Variants in KCNIP1 observed in about 807,000 individuals in gnomAD.
The protein encoded by KCNIP1 is A-type potassium channel modulatory protein KCNIP1.
A neutral mutation model predicts 33.0 loss-of-function variants in KCNIP1; 18 were observed. The ratio of observed to expected loss-of-function variants is 0.55; its 90% CI spans 0.38 to 0.81. The LOEUF (loss-of-function observed/expected upper bound fraction) is 0.81. Among genes scored for constraint, KCNIP1 ranks in the 30% least tolerant of loss-of-function variants. The pLI, the probability that KCNIP1 is intolerant of heterozygous loss-of-function variation, is 0.00. For synonymous variants in KCNIP1, 93 were observed against 98.3 expected, an observed-to-expected ratio of 0.95 and a Z score of 0.32; for missense variants, 238 against 271.6, an observed-to-expected ratio of 0.88 and a Z score of 0.87.
chr5:170,385,564 T>A, intron 1 of KCNIP1: 5 of 1,127,728 alleles, frequency 4.4e-6, no homozygotes, highest in Non-Finnish European at 5.2e-6. Flanking sequence ...GGTACTCAAC[T>A]ATTAATATCA....
chr5:170,432,061 ATCT>A (rs1423773535), intron 1 of KCNIP1, among the ~76,000 whole-genome samples: 3 of 146,242 alleles, frequency 2.1e-5, no homozygotes, highest in Admixed American at 6.8e-5. Flanking sequence ...ACATTGAGCC[ATCT>A]TCTTACAGCT....
intron 1 of KCNIP1, among the ~76,000 whole-genome samples, chr5:170,467,462 G>A (rs1756632041): frequency 1.3e-5 from 2 of 152,102 alleles, no homozygotes; most frequent in African/African-American, 4.8e-5. Context: ...TGGGGAGGAG[G>A]AACAGCTTCT....
chr5:170,561,398 G>T (rs571625288), intron 1 of KCNIP1, among the ~76,000 whole-genome samples: 1 of 152,172 alleles, frequency 6.6e-6, no homozygotes, highest in Non-Finnish European at 1.5e-5. Flanking sequence ...CACTCCGGAG[G>T]GGGAGGACTC....
chr5:170,524,420 C>A (rs1264166727), intron 1 of KCNIP1, among the ~76,000 whole-genome samples: 2 of 152,176 alleles, frequency 1.3e-5, no homozygotes, highest in Non-Finnish European at 2.9e-5. Context: ...GTGTGGGTTT[C>A]AATCTTAGCT....
At chr5:170,459,590 C>T (rs1561635910) in intron 1 of KCNIP1, among the ~76,000 whole-genome samples, 2 of 152,102 alleles carry the variant, frequency 1.3e-5, no homozygotes, top group African/African-American at 2.4e-5. Flanking sequence ...TCCTGAATAT[C>T]ACTGGGTCAA....
chr5:170,508,312 G>A (rs1344512507), intron 1 of KCNIP1, among the ~76,000 whole-genome samples: 3 of 152,180 alleles, frequency 2.0e-5, no homozygotes, highest in South Asian at 2.1e-4. Context: ...AAGGCCACAC[G>A]GTGAGTTAAT....
chr5:170,424,452 C>CGA (rs1467609047), intron 1 of KCNIP1, among the ~76,000 whole-genome samples: 1 of 152,148 alleles, frequency 6.6e-6, no homozygotes, highest in Non-Finnish European at 1.5e-5. Context: ...CAAGGCTGCC[C>CGA]GAGAACAAAG....
At chr5:170,449,835 A>AGAG (rs1756203979) in intron 1 of KCNIP1, among the ~76,000 whole-genome samples, 1 of 152,060 alleles carries the variant, frequency 6.6e-6, no homozygotes, top group Non-Finnish European at 1.5e-5. Context: ...AACTAGAAGC[A>AGAG]GTCATATAGG....
At chr5:170,402,361 G>A (rs1417158211) in intron 1 of KCNIP1, among the ~76,000 whole-genome samples, 1 of 152,104 alleles carries the variant, frequency 6.6e-6, no homozygotes, top group African/African-American at 2.4e-5. Flanking sequence ...TAGCCACGAT[G>A]GACTAACTGC....
chr5:170,489,456 GCC>G lies in KCNIP1; in HGVS notation c.88+135495_88+135496del, dbSNP rs751661374. On this transcript the variant is annotated intron_variant, in intron 1 of 7. Coordinates refer to the KCNIP1 transcript ENST00000377360. This position sits in a 1 kb window ranked among gnomAD's most constrained non-coding sequence, Gnocchi z 4.3. ...TCCTCTCCCTCAGTGTCCTGGAAAG[GCC>G]CCAGGGCTGCCCCAACCCCTGACCT... 5.3e-3 allele frequency among the ~76,000 whole-genome samples: 806 copies of G among 152,226 alleles called. 1 individual carries two copies. The highest frequency in any genetic ancestry group is 5.4e-3 in the Non-Finnish European group (369 of 68,008).
intron 1 of KCNIP1, among the ~76,000 whole-genome samples, chr5:170,708,796 G>C (rs1029125437): frequency 2.6e-5 from 4 of 152,220 alleles, no homozygotes; most frequent in East Asian, 3.8e-4. Context: ...CTACTCAAGA[G>C]GCTGAGGTGG....
At chr5:170,720,668 G>A (rs1328871969) in intron 3 of KCNIP1, among the ~76,000 whole-genome samples, 1 of 152,210 alleles carries the variant, frequency 6.6e-6, no homozygotes, top group Admixed American at 6.5e-5. Context: ...AATCCCAGAT[G>A]GAGTAACTGA....
chr5:170,513,948 A>G (rs777592997), intron 1 of KCNIP1, among the ~76,000 whole-genome samples: 1 of 152,196 alleles, frequency 6.6e-6, no homozygotes, highest in African/African-American at 2.4e-5. Context: ...TTTCATTATT[A>G]TTCTCACTTT....
intron 1 of KCNIP1, among the ~76,000 whole-genome samples, chr5:170,616,877 T>C (rs1759395809): frequency 6.6e-6 from 1 of 152,024 alleles, no homozygotes; most frequent in Non-Finnish European, 1.5e-5. Flanking sequence ...TTGGATTGAA[T>C]GTCCTCTGGA....
upstream of KCNIP1, among the ~76,000 whole-genome samples, chr5:170,503,507 G>T (rs1757462495): frequency 6.6e-6 from 1 of 152,032 alleles, no homozygotes; most frequent in African/African-American, 2.4e-5. Context: ...GCCATAGGAG[G>T]ATTCTGCAGA....
chr5:170,566,860 A>G (rs924717100), intron 1 of KCNIP1, among the ~76,000 whole-genome samples: 8 of 152,244 alleles, frequency 5.3e-5, no homozygotes, highest in Non-Finnish European at 1.2e-4. Flanking sequence ...GAAAAGGAGG[A>G]AAACAAGCAC....
chr5:170,582,889 C>T (rs2113522914), intron 1 of KCNIP1, among the ~76,000 whole-genome samples: 1 of 152,308 alleles, frequency 6.6e-6, no homozygotes, highest in Admixed American at 6.5e-5. Context: ...CAAACTGCCT[C>T]CTGAGCCTGC....
Position 170,411,249 on chromosome 5 carries a change from CG to C in KCNIP1, c.88+57286del, listed in dbSNP as rs369738596. Among the ~76,000 whole-genome samples, 439 of 152,338 alleles carry C rather than the reference CG, an allele frequency of 2.9e-3. 7 individuals carry two copies. Among genetic ancestry groups the C allele is most frequent in the African/African-American group, 0.01 (416 of 41,568 alleles). ...TTTATTTCATGGTACCTCCTCTCCCCGCTAGGGGGCAAATGTCATTATGATG... is the reference window on the plus strand; with the variant it reads ...TTTATTTCATGGTACCTCCTCTCCCCCTAGGGGGCAAATGTCATTATGATG... On this transcript the variant is annotated intron_variant, in intron 1 of 7. Coordinates refer to the KCNIP1 transcript ENST00000377360.
intron 1 of KCNIP1, among the ~76,000 whole-genome samples, chr5:170,608,101 T>C (rs1014764560): frequency 6.6e-6 from 1 of 152,146 alleles, no homozygotes; most frequent in Non-Finnish European, 1.5e-5. Context: ...CCCAGAAGCC[T>C]GTGACACACA....
Sources: gnomAD v4.1 joint callset for allele counts (sites outside exome capture counted in the v4.1 genomes callset) on GRCh38, gnomAD v4.1.1 for gene constraint, Gnocchi (gnomAD v3.1) non-coding constraint, MANE v1.5 for transcripts, NCBI Gene and HGNC (gene_info 2026-07-23, HGNC 2026-07-21) for gene names.